The following SNX29 variants were observed in gnomAD, a reference collection of about 807,000 sequenced individuals.
The protein encoded by SNX29 is sorting nexin 29.
A neutral mutation model predicts 102.1 loss-of-function variants in SNX29; 78 were observed. The observed-to-expected ratio is 0.76, with a 90% confidence interval of 0.64 to 0.92. SNX29 has a LOEUF of 0.92. Ranked by LOEUF, SNX29 falls within the 40% of genes least tolerant of loss-of-function variation. The pLI is 0.00. For missense variants in SNX29, 1,280 were observed against 1,061.7 expected (o/e 1.21, Z -2.86); for synonymous variants, 580 against 414.5 (o/e 1.40, Z -4.85).
chr16:12,044,677 C>T (rs1201082997), intron 5 of SNX29, among the ~76,000 whole-genome samples: 1 of 152,176 alleles, frequency 6.6e-6, no homozygotes, highest in Admixed American at 6.5e-5. Flanking sequence ...CTCCCGGCTT[C>T]AAGCGATTCT....
chr16:12,282,126 A>G (rs1304015557), intron 15 of SNX29, among the ~76,000 whole-genome samples: 1 of 151,350 alleles, frequency 6.6e-6, no homozygotes, highest in Non-Finnish European at 1.5e-5. Flanking sequence ...CTGGATTTGA[A>G]TCCTCACAGT....
At chr16:12,315,429 G>A (rs749812466) in intron 15 of SNX29, among the ~76,000 whole-genome samples, 4 of 152,170 alleles carry the variant, frequency 2.6e-5, no homozygotes, top group Non-Finnish European at 5.9e-5. Context: ...ACAGAACACA[G>A]CAATGCTCAT....
At chr16:12,372,936 A>G (rs2082735251) in intron 16 of SNX29, 1 of 152,142 alleles carries the variant, frequency 6.6e-6, no homozygotes, top group Non-Finnish European at 1.5e-5. Context: ...TACATACCAA[A>G]TCCTATTCCA....
chr16:12,530,489 T>C (rs1008580353), intron 20 of SNX29, among the ~76,000 whole-genome samples: 13 of 151,926 alleles, frequency 8.6e-5, no homozygotes, highest in African/African-American at 3.1e-4. Context: ...GCAGAAATCA[T>C]CAATATTTAT....
intron 16 of SNX29, among the ~76,000 whole-genome samples, chr16:12,380,572 A>ATCAAT (rs2083051975): frequency 2.0e-5 from 2 of 101,594 alleles, no homozygotes; most frequent in Non-Finnish European, 4.0e-5. Context: ...CCCACCATCC[A>ATCAAT]TCCATCCACC....
At position 12,571,756 on chromosome 16, in the gene SNX29, CCTGAT is replaced by C; in HGVS notation, c.*3132_*3136del. ...TAGAAACCTAGCCCAACCATCCACT[CCTGAT>C]CTGAGACAGAACCTTCTCCGCCACT... On this transcript the variant is annotated 3_prime_UTR_variant, in exon 21 of 21. Transcript: ENST00000566228. The C allele has an allele frequency of 9.8e-7, 1 of 1,016,326 alleles. No individual in the cohort carries two copies. Among genetic ancestry groups the C allele is most frequent in the Non-Finnish European group, 1.2e-6 (1 of 835,666 alleles). The allele number at this position is 1,016,326 out of a possible 1,614,324, so 63.0% of individuals were successfully genotyped here.
At chr16:12,082,034 G>A (rs1367776096) in intron 11 of SNX29, 5 of 152,266 alleles carry the variant, frequency 3.3e-5, no homozygotes, top group Non-Finnish European at 5.9e-5. Context: ...AGAGGACTGA[G>A]GATGAGAAAA....
chr16:12,439,971 G>C (rs1172994709), intron 18 of SNX29, among the ~76,000 whole-genome samples: 2 of 152,178 alleles, frequency 1.3e-5, no homozygotes, highest in African/African-American at 4.8e-5. Flanking sequence ...GTGGGTGCAG[G>C]GGACGTGGGG....
chr16:12,023,372 C>G (rs998240992), intron 3 of SNX29, among the ~76,000 whole-genome samples: 2 of 145,522 alleles, frequency 1.4e-5, no homozygotes, highest in East Asian at 3.9e-4. Context: ...ATTCTGGGAA[C>G]CCCCCAGCCC....
intron 15 of SNX29, among the ~76,000 whole-genome samples, chr16:12,353,683 C>G (rs927015744): frequency 7.2e-5 from 11 of 152,306 alleles, no homozygotes; most frequent in South Asian, 4.1e-4. Flanking sequence ...AGGGTGACCT[C>G]TTATTGCTCA....
intron 3 of SNX29, among the ~76,000 whole-genome samples, chr16:12,014,928 T>C (rs1218437855): frequency 2.6e-5 from 4 of 152,120 alleles, no homozygotes; most frequent in Non-Finnish European, 4.4e-5. Context: ...GTTATCACTG[T>C]TGCAAAGCAT....
At chr16:12,378,907 C>T (rs1222359994) in intron 16 of SNX29, among the ~76,000 whole-genome samples, 1 of 152,208 alleles carries the variant, frequency 6.6e-6, no homozygotes, top group East Asian at 1.9e-4. Context: ...GGGTTGCCAG[C>T]AGAAACCCCC....
chr16:12,523,891 T>C (rs1044612793), intron 19 of SNX29, among the ~76,000 whole-genome samples: 2 of 151,970 alleles, frequency 1.3e-5, no homozygotes, highest in East Asian at 3.9e-4. Flanking sequence ...CTAGGTTTTT[T>C]TTGTGTGTGT....
chr16:12,253,663 G>A (rs1317956358), intron 14 of SNX29, among the ~76,000 whole-genome samples: 1 of 152,168 alleles, frequency 6.6e-6, no homozygotes, highest in Non-Finnish European at 1.5e-5. Flanking sequence ...AGGAGGCGGA[G>A]AAGCCACAGA....
chr16:12,388,759 C>T (rs1172175915), intron 16 of SNX29, among the ~76,000 whole-genome samples: 5 of 152,170 alleles, frequency 3.3e-5, no homozygotes, highest in Non-Finnish European at 7.4e-5. Context: ...TGGAGAGGTA[C>T]TGGGTTTAGG....
chr16:12,140,710 G>A (rs1221571797), intron 13 of SNX29, among the ~76,000 whole-genome samples: 1 of 152,106 alleles, frequency 6.6e-6, no homozygotes, highest in Non-Finnish European at 1.5e-5. Flanking sequence ...CATTCTAAGC[G>A]GTAGCCCGAA....
intron 11 of SNX29, among the ~76,000 whole-genome samples, chr16:12,110,709 C>T (rs533893812): frequency 7.2e-5 from 11 of 152,208 alleles, no homozygotes; most frequent in Admixed American, 6.5e-5. Context: ...CTCTGGACTA[C>T]AGCAGTTGTA....
chr16:12,282,910 G>T (rs1481246087), intron 15 of SNX29, among the ~76,000 whole-genome samples: 1 of 152,184 alleles, frequency 6.6e-6, no homozygotes, highest in East Asian at 1.9e-4. Flanking sequence ...GCCTGCCTTG[G>T]CCTCTCAAAG....
intron 15 of SNX29, among the ~76,000 whole-genome samples, chr16:12,351,806 G>C (rs2081998616): frequency 6.6e-6 from 1 of 152,048 alleles, no homozygotes; most frequent in African/African-American, 2.4e-5. Context: ...CCATCTTTTA[G>C]GCCAGGGCTA....
Sources: allele counts gnomAD v4.1 joint callset (sites outside exome capture counted in the v4.1 genomes callset), GRCh38; gene constraint gnomAD v4.1.1; transcripts MANE v1.5; gene names NCBI Gene and HGNC (gene_info 2026-07-23, HGNC 2026-07-21).